Variants in OSBPL8 observed in about 807,000 individuals in gnomAD.
OSBPL8 encodes the protein oxysterol binding protein like 8.
OSBPL8 carries 59 observed loss-of-function variants against 125.5 expected under a neutral mutation model. The observed-to-expected ratio is 0.47, with a 90% CI of 0.38 to 0.58. The LOEUF (loss-of-function observed/expected upper bound fraction) is 0.58, where lower values mean the gene tolerates loss of function less well. Among genes scored for constraint, OSBPL8 ranks in the 20% least tolerant of loss-of-function variants. OSBPL8 has a pLI of 0.00. For synonymous variants in OSBPL8, 330 were observed against 338.9 expected (o/e 0.97, Z 0.29); for missense variants, 758 against 1,047.8 (o/e 0.72, Z 3.82).
chr12:76,459,784 T>C (rs1417720627), intron 3 of OSBPL8, 75 bp downstream of exon 3: 4 of 1,516,654 alleles, frequency 2.6e-6, no homozygotes, highest in Non-Finnish European at 3.6e-6. Context: ...TGAAACACCA[T>C]TTGCCTTTCA....
rs1027047283 is a variant in OSBPL8, at chr12:76,354,258, T to C, written c.*1631A>G. 1 of 152,124 alleles carries C rather than the reference T, an allele frequency of 6.6e-6. No homozygotes were observed. The highest frequency in any genetic ancestry group is 6.5e-5 in the Admixed American group (1 of 15,268). 9.4% of individuals were successfully genotyped at this position (152,124 alleles called of 1,614,324 possible). ...AGCTTTTATCAATTTAAAACATCAT[T>C]TCACATGTACATATGGAATACAGCA... On this transcript the variant is annotated 3_prime_UTR_variant, in exon 24 of 24. Coordinates refer to ENST00000261183, the MANE Select transcript of OSBPL8 (RefSeq NM_020841.5).
intron 4 of OSBPL8, among the ~76,000 whole-genome samples, chr12:76,419,513 A>G (rs1015678714): frequency 1.3e-5 from 2 of 152,204 alleles, no homozygotes; most frequent in African/African-American, 4.8e-5. Context: ...GCCACCATTT[A>G]CTAGCTGTAT....
intron 1 of OSBPL8, among the ~76,000 whole-genome samples, chr12:76,522,021 C>T (rs1882106746): frequency 6.6e-6 from 1 of 152,028 alleles, no homozygotes; most frequent in Non-Finnish European, 1.5e-5. Context: ...AATTAGAGAT[C>T]AAACTGAGGA....
At chr12:76,531,559 T>C (rs920517695) in intron 1 of OSBPL8, among the ~76,000 whole-genome samples, 4 of 152,176 alleles carry the variant, frequency 2.6e-5, no homozygotes, top group African/African-American at 9.7e-5. Context: ...TGTGACAATA[T>C]GTGAAGAGTA....
At chr12:76,463,789 T>C (rs1212030345) in intron 2 of OSBPL8, among the ~76,000 whole-genome samples, 7 of 152,202 alleles carry the variant, frequency 4.6e-5, no homozygotes. Context: ...TTGTAAGTGA[T>C]GCCAATGGGA....
intron 2 of OSBPL8, among the ~76,000 whole-genome samples, chr12:76,473,286 A>G (rs1876399417): frequency 6.6e-6 from 1 of 152,184 alleles, no homozygotes; most frequent in African/African-American, 2.4e-5. Context: ...TAGATCTAGT[A>G]TAACTCTTAT....
chr12:76,403,298 C>T (rs990369861), intron 5 of OSBPL8, among the ~76,000 whole-genome samples: 2 of 152,194 alleles, frequency 1.3e-5, no homozygotes, highest in African/African-American at 4.8e-5. Context: ...TCCTACCTAT[C>T]GAGTGAGTAG....
At position 76,387,940 on chromosome 12, in the gene OSBPL8, T is replaced by A. The variant is rs944612169; in HGVS notation, c.1353-1280A>T. Among the ~76,000 whole-genome samples, 66 of 152,212 alleles carry A rather than the reference T, an allele frequency of 4.3e-4. 1 individual carries two copies. The highest frequency in any genetic ancestry group is 1.3e-4 in the Non-Finnish European group (9 of 68,022). ...ACTGTTCCTACTTACCCTCTATAGG[T>A]AACTTTTTAAAAAAGCTTCCTTTTA... On this transcript the variant is annotated intron_variant, in intron 12 of 23. Transcript: ENST00000261183.
intron 1 of OSBPL8, among the ~76,000 whole-genome samples, chr12:76,515,668 G>A (rs914973717): frequency 2.0e-5 from 3 of 152,020 alleles, no homozygotes; most frequent in Non-Finnish European, 4.4e-5. Flanking sequence ...CAGTGTTTAT[G>A]TTCCTTCCTC....
intron 1 of OSBPL8, among the ~76,000 whole-genome samples, chr12:76,535,040 C>T (rs1036801046): frequency 6.6e-5 from 10 of 151,570 alleles, no homozygotes; most frequent in Non-Finnish European, 1.5e-4. Context: ...TATAAAACTT[C>T]TAGAATAAAA....
At chr12:76,437,653 GAGT>G (rs1871630719) in intron 4 of OSBPL8, among the ~76,000 whole-genome samples, 2 of 152,062 alleles carry the variant, frequency 1.3e-5, no homozygotes, top group South Asian at 4.2e-4. Context: ...TTTCCCTAAA[GAGT>G]TAAGAATGGT....
At chr12:76,423,393 A>G in intron 4 of OSBPL8, 1 of 152,208 alleles carries the variant, frequency 6.6e-6, no homozygotes, top group East Asian at 1.9e-4. Context: ...ATGCTCTAAC[A>G]TGTTCCTTGA....
At chr12:76,399,506 TAA>T (rs1241695424) in intron 7 of OSBPL8, among the ~76,000 whole-genome samples, 3 of 152,356 alleles carry the variant, frequency 2.0e-5, no homozygotes, top group East Asian at 1.9e-4. Context: ...GCTTTTATAT[TAA>T]GTTTGTCTCA....
At chr12:76,403,405 T>C (rs1954130716) in intron 5 of OSBPL8, among the ~76,000 whole-genome samples, 1 of 152,110 alleles carries the variant, frequency 6.6e-6, no homozygotes, top group Non-Finnish European at 1.5e-5. Context: ...TCTTGAAAAA[T>C]AGGCACAACA....
chr12:76,536,496 A>AAT (rs1950501761), intron 1 of OSBPL8, among the ~76,000 whole-genome samples: 1 of 152,184 alleles, frequency 6.6e-6, no homozygotes, highest in South Asian at 2.1e-4. Context: ...TCACTGTACT[A>AAT]CTTAACACTA....
At chr12:76,541,721 G>C (rs1448693908) in intron 1 of OSBPL8, among the ~76,000 whole-genome samples, 4 of 151,848 alleles carry the variant, frequency 2.6e-5, no homozygotes, top group African/African-American at 9.7e-5. Context: ...CAGGCTTGGT[G>C]GTGGGTGCCT....
At chr12:76,451,054 A>G in intron 3 of OSBPL8, 66 bp from the exon 4 acceptor site, 1 of 1,492,754 alleles carries the variant, frequency 6.7e-7, no homozygotes, top group Non-Finnish European at 9.0e-7. Flanking sequence ...TATAGTTAAT[A>G]ACATGGAATA....
At chr12:76,532,753 GTCTC>G (rs1044524076) in intron 1 of OSBPL8, among the ~76,000 whole-genome samples, 16 of 151,140 alleles carry the variant, frequency 1.1e-4, no homozygotes, top group African/African-American at 3.6e-4. Flanking sequence ...GTCCATGCCT[GTCTC>G]TCTCTCTCTG....
At chr12:76,453,829 T>C (rs996971921) in intron 3 of OSBPL8, among the ~76,000 whole-genome samples, 1 of 151,042 alleles carries the variant, frequency 6.6e-6, no homozygotes, top group Non-Finnish European at 1.5e-5. Flanking sequence ...AGAATGTTCT[T>C]AAAAAAAAAC....
Sources: allele counts gnomAD v4.1 joint callset (sites outside exome capture counted in the v4.1 genomes callset), GRCh38; gene constraint gnomAD v4.1.1; transcripts MANE v1.5; gene names NCBI Gene and HGNC (gene_info 2026-07-23, HGNC 2026-07-21).